FHIT: variants seen among roughly 807,000 people sequenced by gnomAD.
FHIT encodes the protein bis(5'-adenosyl)-triphosphatase.
FHIT carries 19 observed loss-of-function variants against 17.9 expected under a neutral mutation model. That is an observed-to-expected ratio of 1.06 (90% CI 0.74 to 1.56). FHIT has a LOEUF of 1.56. Among genes scored for constraint, FHIT ranks in the 40% most tolerant of loss-of-function variants. The pLI is 0.00. For synonymous variants in FHIT, 81 were observed against 69.7 expected, an observed-to-expected ratio of 1.16 and a Z score of -0.81; for missense variants, 248 against 189.2, an observed-to-expected ratio of 1.31 and a Z score of -1.82.
chr3:61,092,175 T>A (rs2035506979), intron 2 of FHIT, among the ~76,000 whole-genome samples: 1 of 151,962 alleles, frequency 6.6e-6, no homozygotes, highest in South Asian at 2.1e-4. Flanking sequence ...CTGCTTGGCC[T>A]GGGGAAGGCA....
intron 5 of FHIT, among the ~76,000 whole-genome samples, chr3:60,517,746 G>T (rs2035214703): frequency 6.6e-6 from 1 of 152,066 alleles, no homozygotes; most frequent in Non-Finnish European, 1.5e-5. Flanking sequence ...CAATCCCCAA[G>T]ATCTGTCTTT....
chr3:60,951,219 A>G (rs1708871682), intron 3 of FHIT, among the ~76,000 whole-genome samples: 1 of 152,228 alleles, frequency 6.6e-6, no homozygotes, highest in Non-Finnish European at 1.5e-5. Context: ...TTCAAGAGAA[A>G]TCTAGAGGCT....
At chr3:60,567,077 A>G (rs1368038769) in intron 4 of FHIT, among the ~76,000 whole-genome samples, 1 of 150,594 alleles carries the variant, frequency 6.6e-6, no homozygotes, top group Non-Finnish European at 1.5e-5. Context: ...TCAAGCTACC[A>G]ATGACTTTCT....
intron 8 of FHIT, among the ~76,000 whole-genome samples, chr3:59,755,565 A>G (rs1356838453): frequency 6.6e-6 from 1 of 152,226 alleles, no homozygotes; most frequent in East Asian, 1.9e-4. Context: ...CTTCTAGATT[A>G]CTTTGGCTGC....
In FHIT at chr3:60,437,640, A is replaced by C. The variant is rs1156693489; in HGVS notation, c.103+99220T>G. Among the ~76,000 whole-genome samples the C allele has an allele frequency of 2.0e-5, 3 of 152,062 alleles. No individual in the cohort carries two copies. In the South Asian group the frequency reaches 6.2e-4, roughly 32 times the overall value. On this transcript the variant is annotated intron_variant, in intron 5 of 9. Transcript: ENST00000492590. ...TCATTATATAGATTAGGTAAACGATACTCAGGTTGTGTTATTTATCTGTGG... is the reference window on the plus strand; with the variant it reads ...TCATTATATAGATTAGGTAAACGATCCTCAGGTTGTGTTATTTATCTGTGG...
At chr3:60,875,613 A>G (rs1460343587) in intron 3 of FHIT, among the ~76,000 whole-genome samples, 1 of 152,196 alleles carries the variant, frequency 6.6e-6, no homozygotes, top group Non-Finnish European at 1.5e-5. Flanking sequence ...ATTCGAGTGA[A>G]AACTTGAAGG....
chr3:59,930,968 G>A (rs1163972044), intron 7 of FHIT, among the ~76,000 whole-genome samples: 2 of 152,106 alleles, frequency 1.3e-5, no homozygotes, highest in Non-Finnish European at 2.9e-5. Flanking sequence ...GGGTGGCCAA[G>A]GTTCAGATCC....
chr3:60,979,023 C>T (rs1468064766), intron 3 of FHIT, among the ~76,000 whole-genome samples: 1 of 152,134 alleles, frequency 6.6e-6, no homozygotes, highest in Non-Finnish European at 1.5e-5. Flanking sequence ...GAAAATATTT[C>T]TTGCTATATC....
intron 4 of FHIT, among the ~76,000 whole-genome samples, chr3:60,712,264 C>A (rs2041556274): frequency 6.6e-6 from 1 of 152,154 alleles, no homozygotes; most frequent in Non-Finnish European, 1.5e-5. Flanking sequence ...CCTAAAAGAG[C>A]TCCTGAAGGA....
intron 7 of FHIT, among the ~76,000 whole-genome samples, chr3:60,005,536 C>A (rs927641040): frequency 6.6e-6 from 1 of 152,120 alleles, no homozygotes; most frequent in Non-Finnish European, 1.5e-5. Flanking sequence ...GGCGTCCACT[C>A]CCACATGTAC....
At chr3:59,805,944 G>C (rs940578858) in intron 8 of FHIT, among the ~76,000 whole-genome samples, 1 of 152,100 alleles carries the variant, frequency 6.6e-6, no homozygotes, top group Non-Finnish European at 1.5e-5. Flanking sequence ...CACTTTGAGA[G>C]GCCGAGGCGG....
intron 5 of FHIT, among the ~76,000 whole-genome samples, chr3:60,163,430 C>A (rs190278448): frequency 1.3e-5 from 2 of 152,302 alleles, no homozygotes; most frequent in East Asian, 3.9e-4. Flanking sequence ...ACAACCACCA[C>A]CCCTCCACGT....
intron 5 of FHIT, among the ~76,000 whole-genome samples, chr3:60,461,901 C>T (rs1342395055): frequency 6.6e-6 from 1 of 152,122 alleles, no homozygotes; most frequent in Non-Finnish European, 1.5e-5. Flanking sequence ...AAAAAGGGAA[C>T]CCCCGCCCCC....
chr3:60,108,329 A>G (rs1018932393), intron 5 of FHIT, among the ~76,000 whole-genome samples: 1 of 152,202 alleles, frequency 6.6e-6, no homozygotes, highest in Non-Finnish European at 1.5e-5. Context: ...TTTGATTACA[A>G]CTAAATTCAA....
At chr3:60,077,213 C>T (rs6807325) in intron 5 of FHIT, among the ~76,000 whole-genome samples, 98,908 of 151,666 alleles carry the variant, frequency 0.65, 33,157 homozygotes, top group Middle Eastern at 0.77. Context: ...AAAGCATCAC[C>T]GTGAATTCAT....
chr3:60,722,557 C>A (rs2041829691), intron 4 of FHIT, among the ~76,000 whole-genome samples: 1 of 152,114 alleles, frequency 6.6e-6, no homozygotes, highest in Non-Finnish European at 1.5e-5. Context: ...ATCCTGTGCA[C>A]TGTAGGATGT....
At chr3:59,881,126 C>A (rs1703393052) in intron 8 of FHIT, among the ~76,000 whole-genome samples, 1 of 152,140 alleles carries the variant, frequency 6.6e-6, no homozygotes, top group African/African-American at 2.4e-5. Flanking sequence ...TGCCACGTCT[C>A]AACAATTCTC....
chr3:60,807,845 A>G (rs1223286764), intron 4 of FHIT, among the ~76,000 whole-genome samples: 1 of 152,094 alleles, frequency 6.6e-6, no homozygotes, highest in Admixed American at 6.6e-5. Context: ...TTACTAAAAA[A>G]AAAATAAAAT....
At chr3:60,259,308 G>A (rs988954848) in intron 5 of FHIT, among the ~76,000 whole-genome samples, 2 of 152,110 alleles carry the variant, frequency 1.3e-5, no homozygotes, top group Admixed American at 1.3e-4. Context: ...ATGTTGCTCA[G>A]ACATAGCAGA....
Sources: allele counts gnomAD v4.1 joint callset (sites outside exome capture counted in the v4.1 genomes callset), GRCh38; gene constraint gnomAD v4.1.1; transcripts MANE v1.5; gene names NCBI Gene and HGNC (gene_info 2026-07-23, HGNC 2026-07-21).